Variants in GPATCH2 observed in about 807,000 individuals in gnomAD.
GPATCH2 encodes G-patch domain containing 2.
A neutral mutation model predicts 58.0 loss-of-function variants in GPATCH2; 51 were observed. That is an observed-to-expected ratio of 0.88 (90% CI 0.70 to 1.11). GPATCH2 has a LOEUF of 1.11. Among genes scored for constraint, GPATCH2 ranks in the 50% most tolerant of loss-of-function variants. The probability of loss-of-function intolerance (pLI) is 0.00; values close to 1 mark genes in which losing one functional copy is unlikely to be tolerated. For missense variants in GPATCH2, 625 were observed against 652.2 expected, an observed-to-expected ratio of 0.96 and a Z score of 0.45; for synonymous variants, 222 against 218.5, an observed-to-expected ratio of 1.02 and a Z score of -0.14.
chr1:217,485,965 G>A (rs1023716084), intron 8 of GPATCH2, among the ~76,000 whole-genome samples: 1 of 152,182 alleles, frequency 6.6e-6, no homozygotes, highest in African/African-American at 2.4e-5. Context: ...AAATAACGTA[G>A]TGTTAGCATT....
intron 5 of GPATCH2, among the ~76,000 whole-genome samples, chr1:217,516,548 G>A (rs1185018603): frequency 6.6e-6 from 1 of 152,114 alleles, no homozygotes; most frequent in Non-Finnish European, 1.5e-5. Context: ...GGTATCCCTG[G>A]AATACAGTAA....
chr1:217,628,651 CT>C lies in GPATCH2; in HGVS notation c.56+2264del, dbSNP rs534812821. Among the ~76,000 whole-genome samples, 223 of 146,146 alleles carry C rather than the reference CT, an allele frequency of 1.5e-3. 6 individuals are homozygous for C. The South Asian group carries it at 0.047, about 31-fold the overall frequency. ...GAGTCAATATAGTTTATTTTAATGGCTTTTTTTTAAGCAAAGCCACATAATA... is the reference window on the plus strand; with the variant it reads ...GAGTCAATATAGTTTATTTTAATGGCTTTTTTTAAGCAAAGCCACATAATA... On this transcript the variant is annotated intron_variant, in intron 1 of 9. Coordinates refer to ENST00000366935, the MANE Select transcript of GPATCH2 (RefSeq NM_018040.5).
intron 5 of GPATCH2, among the ~76,000 whole-genome samples, chr1:217,558,194 C>A (rs78461318): frequency 0.045 from 6,889 of 152,200 alleles, 180 homozygotes; most frequent in African/African-American, 0.059. Context: ...AAATCATTCA[C>A]CTCTCTGAGG....
intron 5 of GPATCH2, among the ~76,000 whole-genome samples, chr1:217,591,172 A>G (rs1377632618): frequency 6.6e-6 from 1 of 152,180 alleles, no homozygotes; most frequent in Admixed American, 6.5e-5. Context: ...GGCTATGTCA[A>G]CAGCCAAGAG....
At chr1:217,540,984 G>A (rs1192955535) in intron 5 of GPATCH2, among the ~76,000 whole-genome samples, 1 of 152,174 alleles carries the variant, frequency 6.6e-6, no homozygotes. Flanking sequence ...GATGTATCCT[G>A]TGTACTTGTG....
intron 9 of GPATCH2, among the ~76,000 whole-genome samples, chr1:217,445,655 C>G (rs1265767845): frequency 6.6e-6 from 1 of 152,042 alleles, no homozygotes; most frequent in Non-Finnish European, 1.5e-5. Context: ...TTAAAAAAAT[C>G]AATATCTAAC....
At position 217,624,603 on chromosome 1, in the gene GPATCH2, T is replaced by G. The variant is rs868225722; in HGVS notation, c.57-4104A>C. ...TTTCCTTTGCCTTGGCAGTTTACAC[T>G]GATGCATCAGAAGACCAATGTATTA... On this transcript the variant is annotated intron_variant, in intron 1 of 9. Coordinates refer to ENST00000366935, the MANE Select transcript of GPATCH2 (RefSeq NM_018040.5). 2.0e-5 allele frequency among the ~76,000 whole-genome samples: 3 copies of G among 152,348 alleles called. No individual in the cohort carries two copies. The Middle Eastern group carries it at 0.01, about 518-fold the overall frequency.
intron 8 of GPATCH2, among the ~76,000 whole-genome samples, chr1:217,484,849 A>T (rs1424445842): frequency 6.6e-6 from 1 of 151,666 alleles, no homozygotes; most frequent in East Asian, 1.9e-4. Flanking sequence ...ATATGAACTG[A>T]GTTTCTCTGA....
chr1:217,501,583 C>G (rs1218544924), intron 6 of GPATCH2, among the ~76,000 whole-genome samples: 1 of 152,076 alleles, frequency 6.6e-6, no homozygotes, highest in Admixed American at 6.6e-5. Context: ...TCCAGTTTTT[C>G]CACATCCTCA....
chr1:217,487,299 C>T (rs149375590), intron 8 of GPATCH2, among the ~76,000 whole-genome samples: 16 of 152,152 alleles, frequency 1.1e-4, no homozygotes, highest in Non-Finnish European at 2.1e-4. Context: ...GAGCTGGGAC[C>T]GAATTTCTAA....
At chr1:217,563,331 T>C (rs1666022446) in intron 5 of GPATCH2, among the ~76,000 whole-genome samples, 1 of 152,130 alleles carries the variant, frequency 6.6e-6, no homozygotes, top group Non-Finnish European at 1.5e-5. Context: ...CCCTTCAAAC[T>C]TCAAATAAAT....
Position 217,610,994 on chromosome 1 carries a change from A to T in GPATCH2, c.913T>A (p.Trp305Arg), listed in dbSNP as rs747716956. The change falls in exon 4 of 10, where the codon TGG (tryptophan) becomes AGG (arginine). Residue 305 changes from tryptophan (W) to arginine (R), a missense_variant. Transcript: ENST00000366935. ...AGCTCAGTAGGATCTTCCTTTTCCC[A>T]CCAGGGCACAACTCCAGTGATACCA... ...ACGITGVVPW[W>R]EKEDPTELDK... The T allele has an allele frequency of 2.5e-6, 4 of 1,613,226 alleles. No individual in the cohort carries two copies. In the African/African-American group the frequency reaches 4.0e-5, roughly 16 times the overall value.
intron 5 of GPATCH2, among the ~76,000 whole-genome samples, chr1:217,547,483 A>T: frequency 2.0e-5 from 3 of 152,218 alleles, no homozygotes; most frequent in Non-Finnish European, 2.9e-5. Flanking sequence ...AAAGACTTAA[A>T]GACAGAAATA....
At chr1:217,551,978 A>T (rs956436804) in intron 5 of GPATCH2, among the ~76,000 whole-genome samples, 1 of 152,270 alleles carries the variant, frequency 6.6e-6, no homozygotes, top group African/African-American at 2.4e-5. Context: ...TAAGAACTTT[A>T]TTAAGAAAAT....
At chr1:217,469,708 T>C (rs910841567) in intron 8 of GPATCH2, among the ~76,000 whole-genome samples, 4 of 152,142 alleles carry the variant, frequency 2.6e-5, no homozygotes, top group African/African-American at 2.4e-5. Flanking sequence ...AAGTTTTAGA[T>C]TGCAGAATAA....
chr1:217,433,814 T>C (rs1366237513), intron 9 of GPATCH2, among the ~76,000 whole-genome samples: 1 of 152,248 alleles, frequency 6.6e-6, no homozygotes, highest in Non-Finnish European at 1.5e-5. Context: ...GTAACTTGTG[T>C]CTCACATTGT....
intron 9 of GPATCH2, among the ~76,000 whole-genome samples, chr1:217,432,777 AAAAGAAC>A (rs1658605922): frequency 6.6e-6 from 1 of 152,220 alleles, no homozygotes; most frequent in South Asian, 2.1e-4. Context: ...AGTCTATCTT[AAAAGAAC>A]CTTTGTCTTA....
chr1:217,588,427 C>T (rs1337972009), intron 5 of GPATCH2, among the ~76,000 whole-genome samples: 1 of 152,070 alleles, frequency 6.6e-6, no homozygotes, highest in East Asian at 1.9e-4. Flanking sequence ...TGTTTTTAAG[C>T]ATGATTATTA....
At chr1:217,608,384 T>A in intron 5 of GPATCH2, 4 of 983,492 alleles carry the variant, frequency 4.1e-6, no homozygotes, top group Non-Finnish European at 4.8e-6. Flanking sequence ...AACACACATA[T>A]ATAGTATGTC....
Sources: allele counts gnomAD v4.1 joint callset (sites outside exome capture counted in the v4.1 genomes callset), GRCh38; gene constraint gnomAD v4.1.1; transcripts MANE v1.5; gene names NCBI Gene and HGNC (gene_info 2026-07-23, HGNC 2026-07-21).